GRID2: variants seen among roughly 807,000 people sequenced by gnomAD.
GRID2 encodes glutamate receptor ionotropic, delta-2.
A neutral mutation model predicts 114.8 loss-of-function variants in GRID2; 33 were observed. That is an observed-to-expected ratio of 0.29 (90% CI 0.22 to 0.38). The LOEUF (loss-of-function observed/expected upper bound fraction) is 0.38, where lower values mean the gene tolerates loss of function less well. Ranked by LOEUF, GRID2 falls within the 10% of genes least tolerant of loss-of-function variation. The pLI, the probability that GRID2 is intolerant of heterozygous loss-of-function variation, is 1.00. For missense variants in GRID2, 1,184 were observed against 1,257.7 expected (o/e 0.94, Z 0.89); for synonymous variants, 505 against 449.9 (o/e 1.12, Z -1.55).
chr4:92,822,631 A>G (rs1046452312), intron 2 of GRID2: 3 of 182,804 alleles, frequency 1.6e-5, no homozygotes, highest in South Asian at 9.1e-5. Context: ...CCTACAGATC[A>G]TCTCATAGTG....
chr4:92,882,814 T>C (rs566539291), intron 2 of GRID2, among the ~76,000 whole-genome samples: 12 of 152,234 alleles, frequency 7.9e-5, no homozygotes, highest in Non-Finnish European at 1.6e-4. Context: ...TATTTTAATT[T>C]AAAGTAAAAC....
intron 2 of GRID2, among the ~76,000 whole-genome samples, chr4:92,692,506 C>G (rs1378432727): frequency 6.6e-6 from 1 of 152,128 alleles, no homozygotes; most frequent in Non-Finnish European, 1.5e-5. Flanking sequence ...ACTTTAAGAT[C>G]CATCTAAGTA....
At chr4:93,308,606 AT>A (rs1172969317) in intron 8 of GRID2, among the ~76,000 whole-genome samples, 2 of 152,222 alleles carry the variant, frequency 1.3e-5, no homozygotes, top group Non-Finnish European at 2.9e-5. Flanking sequence ...GCTAAAAAAA[AT>A]ATTGAATAAC....
At chr4:93,163,362 A>G (rs1259392727) in intron 4 of GRID2, among the ~76,000 whole-genome samples, 25 of 34,296 alleles carry the variant, frequency 7.3e-4, no homozygotes, top group Admixed American at 3.5e-3. Context: ...TTGTGTATAT[A>G]TATATATATA....
intron 2 of GRID2, among the ~76,000 whole-genome samples, chr4:92,701,251 T>A (rs576186009): frequency 6.6e-6 from 1 of 152,246 alleles, no homozygotes; most frequent in African/African-American, 2.4e-5. Flanking sequence ...AACCTAATAT[T>A]TTTTAGCCCT....
chr4:93,571,442 C>A (rs1735924298), intron 13 of GRID2, among the ~76,000 whole-genome samples: 1 of 151,996 alleles, frequency 6.6e-6, no homozygotes, highest in South Asian at 2.1e-4. Context: ...GGATGATTGC[C>A]ATTGAAAGCT....
intron 2 of GRID2, among the ~76,000 whole-genome samples, chr4:92,935,742 G>A (rs1474284598): frequency 1.4e-5 from 2 of 146,422 alleles, no homozygotes; most frequent in Non-Finnish European, 3.0e-5. Flanking sequence ...GTAGGGACAT[G>A]GATGAAATTG....
At chr4:93,768,539 G>A (rs534341976) in intron 14 of GRID2, among the ~76,000 whole-genome samples, 7 of 152,304 alleles carry the variant, frequency 4.6e-5, no homozygotes, top group East Asian at 1.9e-4. Context: ...GAAAGCCTCT[G>A]GTCAGGTTTT....
chr4:93,579,779 GA>G (rs896072258), intron 13 of GRID2, among the ~76,000 whole-genome samples: 4 of 152,130 alleles, frequency 2.6e-5, no homozygotes, highest in Non-Finnish European at 5.9e-5. Context: ...GCCCTAAAGA[GA>G]GTCCACATGT....
At chr4:93,477,138 A>T (rs888534069) in intron 11 of GRID2, among the ~76,000 whole-genome samples, 20 of 152,066 alleles carry the variant, frequency 1.3e-4, no homozygotes, top group African/African-American at 4.8e-4. Flanking sequence ...GGGCAAGAGA[A>T]TGTGAGAGAG....
At chr4:92,681,599 G>A (rs1733653101) in intron 2 of GRID2, among the ~76,000 whole-genome samples, 1 of 151,984 alleles carries the variant, frequency 6.6e-6, no homozygotes, top group African/African-American at 2.4e-5. Flanking sequence ...TAAATGATGA[G>A]TTAATGGGTG....
chr4:92,789,179 G>A (rs1019333122), intron 2 of GRID2, among the ~76,000 whole-genome samples: 2 of 151,718 alleles, frequency 1.3e-5, no homozygotes, highest in African/African-American at 4.8e-5. Flanking sequence ...CTAATTGTAT[G>A]TCTTTTGTAA....
Position 93,455,038 on chromosome 4 carries a change from A to G in GRID2, c.1546-624A>G, listed in dbSNP as rs569496078. Among the ~76,000 whole-genome samples the G allele has an allele frequency of 1.7e-4, 26 of 152,266 alleles. No individual in the cohort carries two copies. The South Asian group carries it at 3.7e-3, about 22-fold the overall frequency. ...ACATTAGAAAGGGATTATTACTCCA[A>G]GAAGAATTCTCTTTCCTTAATCATT... On this transcript the variant is annotated intron_variant, in intron 10 of 15. Coordinates refer to ENST00000282020, the MANE Select transcript of GRID2 (RefSeq NM_001510.4).
At chr4:93,001,197 A>G (rs1720941570) in intron 2 of GRID2, among the ~76,000 whole-genome samples, 1 of 151,646 alleles carries the variant, frequency 6.6e-6, no homozygotes, top group Non-Finnish European at 1.5e-5. Context: ...TCAAATTAAT[A>G]TTTACATATC....
At chr4:92,827,368 A>G (rs1460279965) in intron 2 of GRID2, among the ~76,000 whole-genome samples, 3 of 151,592 alleles carry the variant, frequency 2.0e-5, no homozygotes, top group African/African-American at 4.8e-5. Context: ...GGAAAACTCA[A>G]TACTTTTTAG....
At chr4:93,460,123 C>A (rs1723604473) in intron 11 of GRID2, among the ~76,000 whole-genome samples, 1 of 152,136 alleles carries the variant, frequency 6.6e-6, no homozygotes, top group African/African-American at 2.4e-5. Context: ...CATATATACC[C>A]AAGTTATCCA....
chr4:92,427,564 T>C (rs1732220888), intron 1 of GRID2, among the ~76,000 whole-genome samples: 1 of 152,200 alleles, frequency 6.6e-6, no homozygotes, highest in African/African-American at 2.4e-5. Flanking sequence ...TGCCTTATTA[T>C]AATTGTAGAT....
At chr4:92,439,827 G>GGCAGTTTGGGGATAGCACCAGGAGAT (rs1211931965) in intron 1 of GRID2, among the ~76,000 whole-genome samples, 2 of 145,982 alleles carry the variant, frequency 1.4e-5, no homozygotes, top group African/African-American at 4.9e-5. Flanking sequence ...AGTTAAGAGT[G>GGCAGTTTGGGGATAGCACCAGGAGAT]GCAGTTTGGG....
intron 13 of GRID2, among the ~76,000 whole-genome samples, chr4:93,526,736 G>A (rs1730944436): frequency 6.6e-6 from 1 of 152,194 alleles, no homozygotes; most frequent in Non-Finnish European, 1.5e-5. Context: ...TTGAACCTGG[G>A]AGGCGGAGGT....
Sources: gnomAD v4.1 joint callset for allele counts (sites outside exome capture counted in the v4.1 genomes callset) on GRCh38, gnomAD v4.1.1 for gene constraint, MANE v1.5 for transcripts, NCBI Gene and HGNC (gene_info 2026-07-23, HGNC 2026-07-21) for gene names.